Variants in CPQ observed in about 807,000 individuals in gnomAD.
CPQ encodes Ser-Met dipeptidase.
CPQ carries 37 observed loss-of-function variants against 45.7 expected under a neutral mutation model. The ratio of observed to expected loss-of-function variants is 0.81; its 90% CI spans 0.62 to 1.07. The LOEUF (loss-of-function observed/expected upper bound fraction) is 1.07, where lower values mean the gene tolerates loss of function less well. Among genes scored for constraint, CPQ ranks in the 50% least tolerant of loss-of-function variants. CPQ has a pLI of 0.00. For synonymous variants in CPQ, 186 were observed against 205.8 expected, an observed-to-expected ratio of 0.90 and a Z score of 0.82; for missense variants, 537 against 572.9, an observed-to-expected ratio of 0.94 and a Z score of 0.64.
intron 1 of CPQ, among the ~76,000 whole-genome samples, chr8:96,742,774 T>A (rs1386115576): frequency 6.6e-6 from 1 of 152,166 alleles, no homozygotes; most frequent in Non-Finnish European, 1.5e-5. Flanking sequence ...GGTTGAAAAT[T>A]CTTTTCTTTA....
intron 4 of CPQ, among the ~76,000 whole-genome samples, chr8:96,929,833 AC>A (rs1357072615): frequency 1.3e-5 from 2 of 152,160 alleles, no homozygotes; most frequent in Non-Finnish European, 2.9e-5. Context: ...AGTAGCTCTG[AC>A]TGTTAGAGCA....
chr8:96,936,116 G>A (rs550841294), intron 4 of CPQ, among the ~76,000 whole-genome samples: 22 of 151,982 alleles, frequency 1.4e-4, no homozygotes, highest in African/African-American at 5.1e-4. Context: ...GAAAACTCAG[G>A]GTTTGTGTGT....
At chr8:96,685,701 A>G (rs1809218126) in intron 1 of CPQ, among the ~76,000 whole-genome samples, 1 of 151,976 alleles carries the variant, frequency 6.6e-6, no homozygotes, top group African/African-American at 2.4e-5. Flanking sequence ...GTTTCTTGTT[A>G]TTCTTATTTT....
chr8:96,910,445 T>C (rs1812643504), intron 4 of CPQ, among the ~76,000 whole-genome samples: 1 of 152,230 alleles, frequency 6.6e-6, no homozygotes, highest in Non-Finnish European at 1.5e-5. Flanking sequence ...ATCTGTAAAG[T>C]ACCTTTTAAA....
chr8:96,885,329 T>C (rs1420861601), intron 4 of CPQ, among the ~76,000 whole-genome samples: 1 of 152,228 alleles, frequency 6.6e-6, no homozygotes, highest in African/African-American at 2.4e-5. Flanking sequence ...ACCCTCATGA[T>C]TTAATTACCT....
At chr8:97,104,070 A>C (rs1360931741) in intron 7 of CPQ, among the ~76,000 whole-genome samples, 1 of 152,112 alleles carries the variant, frequency 6.6e-6, no homozygotes, top group African/African-American at 2.4e-5. Context: ...AGAATTAGGG[A>C]TTTTCTGAGA....
intron 1 of CPQ, among the ~76,000 whole-genome samples, chr8:96,664,337 A>G (rs142176748): frequency 1.4e-4 from 21 of 152,332 alleles, no homozygotes; most frequent in African/African-American, 4.8e-4. Flanking sequence ...CTTTAAGGTG[A>G]GGATGAAGAA....
intron 3 of CPQ, among the ~76,000 whole-genome samples, chr8:96,846,876 A>G (rs1374491864): frequency 6.6e-6 from 1 of 152,186 alleles, no homozygotes; most frequent in Non-Finnish European, 1.5e-5. Flanking sequence ...ATAAAGCTTT[A>G]GTCTCCTTAT....
chr8:97,126,600 T>C (rs1023162961), intron 7 of CPQ, among the ~76,000 whole-genome samples: 20 of 152,154 alleles, frequency 1.3e-4, no homozygotes, highest in African/African-American at 4.6e-4. Context: ...TTAAAGTTTA[T>C]GTCTGTATAC....
chr8:97,065,265 G>C (rs1164076957), intron 6 of CPQ, among the ~76,000 whole-genome samples: 1 of 152,152 alleles, frequency 6.6e-6, no homozygotes, highest in Non-Finnish European at 1.5e-5. Flanking sequence ...CCTGTCAAGA[G>C]CCTATTATAT....
At chr8:96,901,339 T>C (rs1812510295) in intron 4 of CPQ, among the ~76,000 whole-genome samples, 1 of 152,134 alleles carries the variant, frequency 6.6e-6, no homozygotes, top group African/African-American at 2.4e-5. Flanking sequence ...TTCCCCTCCC[T>C]TTCTCAGGTG....
intron 4 of CPQ, among the ~76,000 whole-genome samples, chr8:96,894,723 A>G (rs1001314032): frequency 1.3e-5 from 2 of 152,172 alleles, no homozygotes; most frequent in African/African-American, 4.8e-5. Flanking sequence ...TACTGTATAA[A>G]TTTTTAGTTA....
intron 4 of CPQ, among the ~76,000 whole-genome samples, chr8:96,912,817 G>T (rs879645007): frequency 6.6e-6 from 1 of 152,076 alleles, no homozygotes; most frequent in Non-Finnish European, 1.5e-5. Flanking sequence ...GATTCCATAC[G>T]CTTTCTTCTG....
intron 4 of CPQ, among the ~76,000 whole-genome samples, chr8:96,923,103 C>T (rs1362179352): frequency 1.3e-5 from 2 of 152,148 alleles, no homozygotes; most frequent in Admixed American, 6.5e-5. Flanking sequence ...ATAGAGGAGT[C>T]GTAAGAGTTG....
intron 1 of CPQ, among the ~76,000 whole-genome samples, chr8:96,659,539 AC>A (rs1815675064): frequency 6.6e-6 from 1 of 152,212 alleles, no homozygotes; most frequent in African/African-American, 2.4e-5. Context: ...TCTTTACCCT[AC>A]GGCTTTAATA....
chr8:97,136,030 C>T (rs1024689843), intron 7 of CPQ, among the ~76,000 whole-genome samples: 1 of 152,172 alleles, frequency 6.6e-6, no homozygotes. Flanking sequence ...ACATTCTGCA[C>T]AAGCCACAGT....
intron 4 of CPQ, among the ~76,000 whole-genome samples, chr8:96,947,757 C>T (rs1266419491): frequency 6.6e-6 from 1 of 152,138 alleles, no homozygotes; most frequent in Non-Finnish European, 1.5e-5. Flanking sequence ...ACTGCAGAAG[C>T]ATTTCCCCTT....
At chr8:97,044,798 G>A (rs1031562696) in intron 6 of CPQ, among the ~76,000 whole-genome samples, 5 of 152,138 alleles carry the variant, frequency 3.3e-5, no homozygotes, top group African/African-American at 4.8e-5. Context: ...GCAGAACAGC[G>A]GATTTTCGTG....
chr8:97,111,745 C>G (rs774802857), intron 7 of CPQ, among the ~76,000 whole-genome samples: 1 of 152,206 alleles, frequency 6.6e-6, no homozygotes, highest in Non-Finnish European at 1.5e-5. Context: ...GTGCAGGATG[C>G]TCATTTCCAA....
Sources: gnomAD v4.1 joint callset for allele counts (sites outside exome capture counted in the v4.1 genomes callset) on GRCh38, gnomAD v4.1.1 for gene constraint, MANE v1.5 for transcripts, NCBI Gene and HGNC (gene_info 2026-07-23, HGNC 2026-07-21) for gene names.